Variants in OR1J2 observed in about 807,000 individuals in gnomAD.
The protein encoded by OR1J2 is olfactory receptor 1J2.
For synonymous variants in OR1J2, 142 were observed against 99.7 expected, an observed-to-expected ratio of 1.42 and a Z score of -2.52; for missense variants, 304 against 246.1, an observed-to-expected ratio of 1.24 and a Z score of -1.57.
At chr9:122,465,932 T>G in the OR1J2 span, among the ~76,000 whole-genome samples, 1 of 152,302 alleles carries the variant, frequency 6.6e-6, no homozygotes, top group Non-Finnish European at 1.5e-5. Context: ...TTCCTCTAAA[T>G]CCTAAATTTC....
chr9:122,450,290 G>A, the OR1J2 span, among the ~76,000 whole-genome samples: 10 of 152,172 alleles, frequency 6.6e-5, no homozygotes, highest in Non-Finnish European at 1.2e-4. Context: ...AATTAGCTGC[G>A]CTTGGTGGTG....
chr9:122,519,064 G>A, the OR1J2 span: 1 of 976,420 alleles, frequency 1.0e-6, no homozygotes. Context: ...ATTCTTATCT[G>A]CTGCTGTAAA....
At chr9:122,571,609 G>A in the OR1J2 span, among the ~76,000 whole-genome samples, 23 of 151,736 alleles carry the variant, frequency 1.5e-4, no homozygotes, top group East Asian at 3.1e-3. Context: ...CCAGCTACTC[G>A]GGAGGCTGAG....
the OR1J2 span, chr9:122,477,503 C>T: frequency 1.2e-6 from 2 of 1,614,134 alleles, no homozygotes; most frequent in South Asian, 2.2e-5. Context: ...ACCAGCATGA[C>T]ACACTGGCTC....
chr9:122,505,422 A>G, the OR1J2 span, among the ~76,000 whole-genome samples: 4 of 152,108 alleles, frequency 2.6e-5, no homozygotes, highest in Non-Finnish European at 4.4e-5. Flanking sequence ...CAATTAACCC[A>G]TTAATCTATG....
the OR1J2 span, among the ~76,000 whole-genome samples, chr9:122,461,780 G>A: frequency 2.0e-5 from 3 of 152,070 alleles, no homozygotes; most frequent in African/African-American, 7.2e-5. Context: ...GTTTGAGAGA[G>A]TACTTGTTAT....
chr9:122,484,505 A>C, the OR1J2 span, among the ~76,000 whole-genome samples: 1 of 152,122 alleles, frequency 6.6e-6, no homozygotes. Flanking sequence ...TGGCCAGTCT[A>C]CACAGCCAAT....
At chr9:122,521,379 C>T in the OR1J2 span, among the ~76,000 whole-genome samples, 2 of 152,092 alleles carry the variant, frequency 1.3e-5, no homozygotes, top group East Asian at 1.9e-4. Context: ...GAGCTAGAAC[C>T]AAATAACTAA....
the OR1J2 span, among the ~76,000 whole-genome samples, chr9:122,517,968 G>C: frequency 6.6e-6 from 1 of 152,194 alleles, no homozygotes; most frequent in South Asian, 2.1e-4. Flanking sequence ...GTGTTGTTTG[G>C]TTTTCTGTTC....
chr9:122,483,236 TC>T, the OR1J2 span, among the ~76,000 whole-genome samples: 2 of 152,194 alleles, frequency 1.3e-5, no homozygotes, highest in Non-Finnish European at 2.9e-5. Context: ...AAGATTTACT[TC>T]TCTTGATGTA....
At chr9:122,544,981 A>C in the OR1J2 span, among the ~76,000 whole-genome samples, 1 of 152,160 alleles carries the variant, frequency 6.6e-6, no homozygotes, top group African/African-American at 2.4e-5. Flanking sequence ...TAAAGCAATA[A>C]ATTTCCCTCT....
At chr9:122,574,510 A>G in the OR1J2 span, among the ~76,000 whole-genome samples, 60,057 of 151,904 alleles carry the variant, frequency 0.4, 12,355 homozygotes, top group African/African-American at 0.44. Flanking sequence ...CTAATATTTA[A>G]GAGAACAATG....
chr9:122,563,186 T>TG, the OR1J2 span, among the ~76,000 whole-genome samples: 2 of 75,378 alleles, frequency 2.7e-5, no homozygotes, highest in African/African-American at 9.8e-5. Context: ...CATTTGTTAT[T>TG]TTTTTTTTTG....
At chr9:122,554,087 T>C in the OR1J2 span, 1 of 1,613,614 alleles carries the variant, frequency 6.2e-7, no homozygotes, top group Non-Finnish European at 8.5e-7. Flanking sequence ...ACCCATTCAT[T>C]TATAGCTTGA....
the OR1J2 span, among the ~76,000 whole-genome samples, chr9:122,566,873 A>C: frequency 1.3e-5 from 2 of 152,196 alleles, no homozygotes; most frequent in African/African-American, 4.8e-5. Context: ...CCCCTGTGTG[A>C]AATGGATAAT....
At chr9:122,570,616 C>G in the OR1J2 span, among the ~76,000 whole-genome samples, 3 of 152,180 alleles carry the variant, frequency 2.0e-5, no homozygotes, top group Non-Finnish European at 4.4e-5. Context: ...TAAAAACATT[C>G]AGGACAAGCT....
At chr9:122,569,475 A>G in the OR1J2 span, among the ~76,000 whole-genome samples, 36 of 152,228 alleles carry the variant, frequency 2.4e-4, no homozygotes, top group African/African-American at 8.0e-4. Flanking sequence ...GTATCAGCAA[A>G]ATGTTGTCAC....
the OR1J2 span, among the ~76,000 whole-genome samples, chr9:122,491,631 G>A: frequency 6.6e-6 from 1 of 152,156 alleles, no homozygotes; most frequent in Non-Finnish European, 1.5e-5. Flanking sequence ...CCATTCATTG[G>A]ATTTAGTAAT....
At chr9:122,482,027 T>G in the OR1J2 span, among the ~76,000 whole-genome samples, 1 of 151,848 alleles carries the variant, frequency 6.6e-6, no homozygotes, top group Admixed American at 6.6e-5. Flanking sequence ...TATATCAAAC[T>G]AAAAAGCTTC....
Sources: allele counts gnomAD v4.1 joint callset (sites outside exome capture counted in the v4.1 genomes callset), GRCh38; gene constraint gnomAD v4.1.1; transcripts MANE v1.5; gene names NCBI Gene and HGNC (gene_info 2026-07-23, HGNC 2026-07-21).